PRSS33: variants seen among roughly 807,000 people sequenced by gnomAD.
PRSS33 encodes serine protease 33.
A neutral mutation model predicts 26.7 loss-of-function variants in PRSS33; 32 were observed. The observed-to-expected ratio is 1.20, with a 90% CI of 0.90 to 1.61. The LOEUF (loss-of-function observed/expected upper bound fraction) is 1.61. Ranked by LOEUF, PRSS33 falls within the 40% of genes most tolerant of loss-of-function variation. The probability of loss-of-function intolerance (pLI) is 0.00; values close to 1 mark genes in which losing one functional copy is unlikely to be tolerated. For missense variants in PRSS33, 450 were observed against 396.3 expected, an observed-to-expected ratio of 1.14 and a Z score of -1.15; for synonymous variants, 192 against 177.6, an observed-to-expected ratio of 1.08 and a Z score of -0.64.
At position 2,785,152 on chromosome 16, in the gene PRSS33, TC is replaced by T; in HGVS notation, c.533del (p.Arg178HisfsTer6). 1 of 1,540,678 alleles carries T rather than the reference TC, an allele frequency of 6.5e-7. No individual in the cohort carries two copies. Among genetic ancestry groups the T allele is most frequent in the Non-Finnish European group, 8.7e-7 (1 of 1,146,466 alleles). On this transcript the variant is annotated frameshift_variant, in exon 6 of 7. Coordinates refer to ENST00000682474, the MANE Select transcript of PRSS33 (RefSeq NM_152891.3). LOFTEE classifies it high-confidence loss of function. ...LRPGVPLPEW[R>X]PLQGVRVPLL... is the part of the protein sequence containing the mutation. Reference sequence around the variant, plus strand: ...GCGGCACCCTTACTCCTTGTAGCGGTCGCCACTCTGGGAGGGGCACTGGGGG... The same window carrying T: ...GCGGCACCCTTACTCCTTGTAGCGGTGCCACTCTGGGAGGGGCACTGGGGG...
Position 2,786,514 on chromosome 16 carries a change from G to A in PRSS33, c.34C>T (p.Leu12Phe). ...RGVSCLQVLL[L>F]LVLGAAGTQG... is the part of the protein sequence containing the mutation. ...TGTCCCCACTCACCCAGCACCAGAA[G>A]GAGCAGGACCTGGAGACAGGAAACC... The change falls in exon 2 of 7, where the codon CTT becomes TTT. Residue 12 changes from leucine (L) to phenylalanine (F), a missense_variant. By Grantham distance (22) the Leu-to-Phe change is conservative. Transcript: ENST00000682474. The A allele has an allele frequency of 6.2e-7, 1 of 1,613,380 alleles. No homozygotes were observed. Among genetic ancestry groups the A allele is most frequent in the South Asian group, 1.1e-5 (1 of 91,076 alleles).
chr16:2,786,692 G>A, intron 1 of PRSS33, 88 bp from the exon 2 acceptor site: 3 of 865,844 alleles, frequency 3.5e-6, no homozygotes, highest in Non-Finnish European at 5.4e-6. Context: ...TGGTCCTTCT[G>A]TCTGTCCTCA....
chr16:2,786,270 C>A (rs11643898), intron 2 of PRSS33, 149 bp from the exon 3 acceptor site: 2 of 865,262 alleles, frequency 2.3e-6, no homozygotes, highest in Non-Finnish European at 3.8e-6. Context: ...CTTATTTAAC[C>A]CTCCCCAGAG....
At chr16:2,785,707 C>G in intron 4 of PRSS33, 61 bp from the exon 5 acceptor site, 1 of 1,471,754 alleles carries the variant, frequency 6.8e-7, no homozygotes, top group South Asian at 1.3e-5. Flanking sequence ...TCCAGCCCGC[C>G]TCGACCCCAA....
Position 2,785,557 on chromosome 16 carries a change from C to A in PRSS33, c.332G>T (p.Arg111Leu), listed in dbSNP as rs562460494. The A allele has an allele frequency of 4.6e-6, 7 of 1,527,938 alleles. No homozygotes were observed. Among genetic ancestry groups the A allele is most frequent in the Non-Finnish European group, 5.2e-6 (6 of 1,144,476 alleles). 94.6% of individuals were successfully genotyped at this position (1,527,938 alleles called of 1,614,324 possible). A position where few individuals can be genotyped will look rare whatever the true frequency, so the allele number is the denominator to read the frequency against. The change falls in exon 5 of 7, where the codon CGG (arginine) becomes CTG (leucine). Residue 111 changes from arginine (R) to leucine (L), a missense_variant. Transcript: ENST00000682474. ...SPRTLSVPVR[R>L]VLLPPDYSED... Reference sequence around the variant, plus strand: ...GGAGTAGTCCGGGGGCAGCAGCACCCGTCGCACGGGCACCGAGAGCGTGCG... The same window carrying A: ...GGAGTAGTCCGGGGGCAGCAGCACCAGTCGCACGGGCACCGAGAGCGTGCG...
In PRSS33 at chr16:2,784,704, T is replaced by A. The variant is rs1280701039; in HGVS notation, c.783A>T (p.Pro261=). The part of the protein sequence containing the change: ...WGKGCALPNR[P]GVYTSVATYS... ...ATGTGGCCACACTGGTGTAGACCCC[T>A]GGACGGTTGGGCAGGGCACAACCCT... The change falls in exon 7 of 7, where the codon CCA becomes CCT. Residue 261 remains proline, a synonymous_variant. Transcript: ENST00000682474. 2 of 1,606,612 alleles carry A rather than the reference T, an allele frequency of 1.2e-6. No homozygotes were observed. Among genetic ancestry groups the A allele is most frequent in the Admixed American group, 3.4e-5 (2 of 59,418 alleles).
Position 2,785,485 on chromosome 16 carries a change from G to A in PRSS33, c.404C>T (p.Pro135Leu), listed in dbSNP as rs2068862721. ...GDLALLQLRR[P>L]VPLSARVQPV... ...TTGGACGCGAGCGCTCAGGGGCACC[G>A]GGCGACGCAGCTGCAGCAGTGCCAG... Residue 135 changes from proline (P) to leucine (L), a missense_variant, in exon 5 of 7, where the codon CCG (proline) becomes CTG (leucine). Coordinates refer to ENST00000682474, the MANE Select transcript of PRSS33 (RefSeq NM_152891.3). 2.0e-6 allele frequency: 3 copies of A among 1,517,058 alleles called. No homozygotes were observed. Among genetic ancestry groups the A allele is most frequent in the African/African-American group, 1.4e-5 (1 of 70,500 alleles). 94.0% of individuals were successfully genotyped at this position (1,517,058 alleles called of 1,614,324 possible).
intron 1 of PRSS33, among the ~76,000 whole-genome samples, chr16:2,787,050 G>A (rs76399563): frequency 5.2e-5 from 1 of 19,258 alleles, no homozygotes; most frequent in Non-Finnish European, 8.4e-5. Flanking sequence ...TCCTCACCCC[G>A]TCCTCCATCG....
At chr16:2,787,501 T>C (rs1596306653) in intron 1 of PRSS33, among the ~76,000 whole-genome samples, 32 bp downstream of exon 1, 1 of 141,452 alleles carries the variant, frequency 7.1e-6, no homozygotes, top group Non-Finnish European at 1.5e-5. Context: ...TGGCTGCCCC[T>C]GCAGCCCCCA....
At chr16:2,787,622 T>A (rs1217818782), upstream of PRSS33, among the ~76,000 whole-genome samples, 2 of 148,698 alleles carry the variant, frequency 1.3e-5, no homozygotes, top group African/African-American at 5.0e-5. Context: ...AGCCAAGGAG[T>A]AATGAACAGG....
intron 1 of PRSS33, 140 bp from the exon 2 acceptor site, chr16:2,786,744 T>C: frequency 3.3e-6 from 2 of 603,772 alleles, no homozygotes; most frequent in South Asian, 4.1e-5. Flanking sequence ...GCCCAGGCTG[T>C]ATACCCTTCG....
At position 2,785,435 on chromosome 16, in the gene PRSS33, C is replaced by T. The variant is rs2068861890; in HGVS notation, c.454G>A (p.Ala152Thr). ...VQPVCLPVPG[A>T]RPPPGTPCRV... is the part of the protein sequence containing the mutation. The stretch of plus-strand genomic sequence containing the variant: ...CATGGTGTGCCGGGCGGCGGGCGGG[C>T]GCCGGGCACGGGCAGGCAGACGGGT... The change falls in exon 5 of 7, where the codon GCC becomes ACC. Residue 152 changes from alanine to threonine, a missense_variant. Transcript: ENST00000682474. 1.4e-6 allele frequency: 2 copies of T among 1,468,222 alleles called. No homozygotes were observed. The highest frequency in any genetic ancestry group is 2.9e-5 in the African/African-American group (2 of 68,098). 90.9% of individuals were successfully genotyped at this position (1,468,222 alleles called of 1,614,324 possible).
chr16:2,786,135 C>T lies in PRSS33; in HGVS notation c.47-14G>A. On this transcript the variant is annotated splice_polypyrimidine_tract_variant and intron_variant, in intron 2 of 6. Transcript: ENST00000682474. Reference sequence around the variant, plus strand: ...TCCCAGCAGCTCCTGGAGGAGGAAGCAGGGAAGGGACCAGATTATAGATTT... The same window carrying T: ...TCCCAGCAGCTCCTGGAGGAGGAAGTAGGGAAGGGACCAGATTATAGATTT... 6.2e-7 allele frequency: 1 copy of T among 1,611,380 alleles called. No individual in the cohort carries two copies. Among genetic ancestry groups the T allele is most frequent in the Non-Finnish European group, 8.5e-7 (1 of 1,177,918 alleles).
In PRSS33 at chr16:2,784,997, C is replaced by T. The variant is rs369502268; in HGVS notation, c.684+5G>A. On this transcript the variant is annotated splice_donor_5th_base_variant and intron_variant, in intron 6 of 6. Coordinates refer to ENST00000682474, the MANE Select transcript of PRSS33 (RefSeq NM_152891.3). ...CTCCGGAGGCTGGGGAGGCTGGGTG[C>T]ACACCTGGCAGGCGTCCTTGTGGCC... is the stretch of plus-strand genomic sequence containing the variant. 38 of 1,596,502 alleles carry T rather than the reference C, an allele frequency of 2.4e-5. No homozygotes were observed. The African/African-American group carries it at 4.7e-4, about 20-fold the overall frequency.
rs1316967892 is a variant in PRSS33 at position 2,785,827 on chromosome 16, C to T, written c.214G>A (p.Val72Met). The stretch of plus-strand genomic sequence containing the variant: ...GGGAAGCAGTGCGCCGCTGTCAGCA[C>T]CCACTGGGGGGCGATGAGCGACCCC... ...CGGSLIAPQWVLTAAHCFPRR... is the reference protein window; with the variant it reads ...CGGSLIAPQWMLTAAHCFPRR... Residue 72 changes from valine (V) to methionine (M), a missense_variant, in exon 4 of 7, where the codon GTG becomes ATG. Physicochemically the swap from Val to Met is conservative, Grantham distance 21 (BLOSUM62 1). Coordinates refer to ENST00000682474, the MANE Select transcript of PRSS33 (RefSeq NM_152891.3). 1.2e-6 allele frequency: 2 copies of T among 1,604,990 alleles called. No homozygotes were observed. Among genetic ancestry groups the T allele is most frequent in the South Asian group, 1.1e-5 (1 of 90,714 alleles).
At position 2,785,468 on chromosome 16, in the gene PRSS33, G is replaced by C. The variant is rs1279441475; in HGVS notation, c.421C>G (p.Arg141Gly). The C allele has an allele frequency of 7.9e-6, 12 of 1,515,062 alleles. 1 individual carries two copies. In the East Asian group the frequency reaches 3.1e-4, roughly 39 times the overall value. The allele number at this position is 1,515,062 out of a possible 1,614,324, so 93.9% of individuals were successfully genotyped here. ...QLRRPVPLSA[R>G]VQPVCLPVPG... is the part of the protein sequence containing the mutation. ...ACGGGCAGGCAGACGGGTTGGACGCGAGCGCTCAGGGGCACCGGGCGACGC... is the reference window on the plus strand; with the variant it reads ...ACGGGCAGGCAGACGGGTTGGACGCCAGCGCTCAGGGGCACCGGGCGACGC... Residue 141 changes from arginine to glycine, a missense_variant, in exon 5 of 7, where the codon CGC becomes GGC. Transcript: ENST00000682474.
chr16:2,784,556 G>A lies in PRSS33; in HGVS notation c.*88C>T. 2 of 1,335,118 alleles carry A rather than the reference G, an allele frequency of 1.5e-6. No individual in the cohort carries two copies. Among genetic ancestry groups the A allele is most frequent in the Non-Finnish European group, 1.0e-6 (1 of 991,584 alleles). 82.7% of individuals were successfully genotyped at this position (1,335,118 alleles called of 1,614,324 possible). On this transcript the variant is annotated 3_prime_UTR_variant, in exon 7 of 7. Coordinates refer to ENST00000682474, the MANE Select transcript of PRSS33 (RefSeq NM_152891.3). ...TAGGCATCTTGGCCTCGAGGCAGAA[G>A]GGATGTGGGGTATAGGCAGGTGCCT...
In PRSS33 at chr16:2,785,168, G is replaced by A. The variant is rs2150789214; in HGVS notation, c.518C>T (p.Pro173Leu). The change falls in exon 6 of 7, where the codon CCC becomes CTC. Residue 173 changes from proline (P) to leucine (L), a missense_variant. By Grantham distance (98) the Pro-to-Leu change is moderately conservative. Coordinates refer to ENST00000682474, the MANE Select transcript of PRSS33 (RefSeq NM_152891.3). ...TTGTAGCGGTCGCCACTCTGGGAGG[G>A]GCACTGGGGGAAGAGGAGGGACCTC... ...TGWGSLRPGV[P>L]LPEWRPLQGV... The A allele has an allele frequency of 6.5e-7, 1 of 1,537,470 alleles. No homozygotes were observed. Among genetic ancestry groups the A allele is most frequent in the Non-Finnish European group, 8.7e-7 (1 of 1,145,210 alleles).
In PRSS33 at chr16:2,785,621, C is replaced by T. The variant is rs1287818048; in HGVS notation, c.268G>A (p.Val90Met). 5 of 1,504,110 alleles carry T rather than the reference C, an allele frequency of 3.3e-6. No individual in the cohort carries two copies. Among genetic ancestry groups the T allele is most frequent in the South Asian group, 1.2e-5 (1 of 80,158 alleles). The allele number at this position is 1,504,110 out of a possible 1,614,324, so 93.2% of individuals were successfully genotyped here. Residue 90 changes from valine (V) to methionine (M), a missense_variant, in exon 5 of 7, where the codon GTG becomes ATG. Physicochemically the swap from Val to Met is conservative, Grantham distance 21 (BLOSUM62 1). Coordinates refer to ENST00000682474, the MANE Select transcript of PRSS33 (RefSeq NM_152891.3). ...CCCAGACGCAGCGCCCCCAGGCGCACGCGGTACTCAGCTGGCAGTGCCCTC... is the reference window on the plus strand; with the variant it reads ...CCCAGACGCAGCGCCCCCAGGCGCATGCGGTACTCAGCTGGCAGTGCCCTC... The part of the protein sequence containing the change: ...PRRALPAEYR[V>M]RLGALRLGST...
Sources: gnomAD v4.1 joint callset for allele counts (sites outside exome capture counted in the v4.1 genomes callset) on GRCh38, gnomAD v4.1.1 for gene constraint, MANE v1.5 for transcripts, NCBI Gene and HGNC (gene_info 2026-07-23, HGNC 2026-07-21) for gene names.